The following MEGF10 variants were observed in gnomAD, a reference collection of about 807,000 sequenced individuals.
MEGF10 encodes multiple epidermal growth factor-like domains protein 10.
A neutral mutation model predicts 147.5 loss-of-function variants in MEGF10; 86 were observed. That is an observed-to-expected ratio of 0.58 (90% CI 0.49 to 0.70). The LOEUF (loss-of-function observed/expected upper bound fraction) is 0.70. Among genes scored for constraint, MEGF10 ranks in the 30% least tolerant of loss-of-function variants. The pLI, the probability that MEGF10 is intolerant of heterozygous loss-of-function variation, is 0.00. For missense variants in MEGF10, 1,329 were observed against 1,487.3 expected (o/e 0.89, Z 1.75); for synonymous variants, 478 against 525.5 (o/e 0.91, Z 1.24).
chr5:127,247,385 A>G, the MEGF10 span, among the ~76,000 whole-genome samples: 8 of 22,342 alleles, frequency 3.6e-4, no homozygotes, highest in African/African-American at 1.8e-3. Context: ...AAGAAGAAGA[A>G]GAAGAAGAAG....
intron 1 of MEGF10, among the ~76,000 whole-genome samples, chr5:127,315,908 G>A (rs574729996): frequency 6.6e-6 from 1 of 152,254 alleles, no homozygotes; most frequent in South Asian, 2.1e-4. Context: ...ACATGTTGAA[G>A]CAGAGCAGTC....
the MEGF10 span, among the ~76,000 whole-genome samples, chr5:127,237,949 C>T: frequency 2.0e-5 from 3 of 151,750 alleles, no homozygotes; most frequent in Non-Finnish European, 4.4e-5. Flanking sequence ...ATGTAGTTCT[C>T]ATTAAATGAT....
chr5:127,369,840 C>G, intron 4 of MEGF10, 70 bp from the exon 5 acceptor site: 6 of 1,220,638 alleles, frequency 4.9e-6, no homozygotes, highest in Non-Finnish European at 7.1e-6. Flanking sequence ...CTTGGATGTG[C>G]AACAGCTGTG....
At chr5:127,373,254 C>G (rs959060610) in intron 5 of MEGF10, among the ~76,000 whole-genome samples, 1 of 152,118 alleles carries the variant, frequency 6.6e-6, no homozygotes, top group African/African-American at 2.4e-5. Context: ...TGGGTTCAAG[C>G]AATTCTCATG....
At chr5:127,367,796 A>G (rs184686075) in intron 4 of MEGF10, among the ~76,000 whole-genome samples, 2 of 152,320 alleles carry the variant, frequency 1.3e-5, no homozygotes, top group Admixed American at 1.3e-4. Flanking sequence ...CTGCAAACAT[A>G]GATGCCATCA....
intron 1 of MEGF10, among the ~76,000 whole-genome samples, chr5:127,309,070 A>G (rs1251656992): frequency 6.6e-6 from 1 of 152,102 alleles, no homozygotes; most frequent in Non-Finnish European, 1.5e-5. Flanking sequence ...TGTTGTTATT[A>G]TGTTTTGCCT....
rs772575643 is a variant in MEGF10, at chr5:127,445,722, G to A, written c.2728+29G>A. 4.4e-5 allele frequency: 69 copies of A among 1,563,628 alleles called. 1 individual carries two copies. The highest frequency in any genetic ancestry group is 5.9e-5 in the Non-Finnish European group (67 of 1,135,000). ...AGAGCAGAGGCAGGAGAGGCATTTT[G>A]CTTCTTGAAAAGTTAAATTTCATTC... On this transcript the variant is annotated intron_variant, in intron 20 of 24. Transcript: ENST00000503335.
chr5:127,376,833 A>G (rs1763049378), intron 5 of MEGF10, among the ~76,000 whole-genome samples: 1 of 152,212 alleles, frequency 6.6e-6, no homozygotes, highest in Non-Finnish European at 1.5e-5. Context: ...GCCTGAATTT[A>G]TGTATCTATT....
the MEGF10 span, among the ~76,000 whole-genome samples, chr5:127,239,463 T>A: frequency 5.9e-5 from 7 of 117,970 alleles, no homozygotes; most frequent in South Asian, 2.7e-4. Flanking sequence ...ATATATAAAA[T>A]ATATATATAT....
At position 127,440,014 on chromosome 5, in the gene MEGF10, T is replaced by C. The variant is rs75978904; in HGVS notation, c.2234-725T>C. 2.2e-3 allele frequency among the ~76,000 whole-genome samples: 333 copies of C among 152,264 alleles called. 3 individuals are homozygous for C. The highest frequency in any genetic ancestry group is 0.01 in the Middle Eastern group (3 of 294). Reference sequence around the variant, plus strand: ...AAGCATATGTAATATTTGGAAACAATCATTGAATCAGCCTGCATTGAATCT... The same window carrying C: ...AAGCATATGTAATATTTGGAAACAACCATTGAATCAGCCTGCATTGAATCT... On this transcript the variant is annotated intron_variant, in intron 17 of 24. Transcript: ENST00000503335.
In MEGF10 at chr5:127,459,494, T is replaced by C. The variant is rs574254239; in HGVS notation, c.*2176T>C. On this transcript the variant is annotated 3_prime_UTR_variant, in exon 25 of 25. Transcript: ENST00000503335. ...GAAGAAATAAGACATTTTCTCCCTTTTAAAGATCATCTCTTCAGAGCTGCA... is the reference window on the plus strand; with the variant it reads ...GAAGAAATAAGACATTTTCTCCCTTCTAAAGATCATCTCTTCAGAGCTGCA... 1.3e-5 allele frequency: 2 copies of C among 152,314 alleles called. No individual in the cohort carries two copies. Among genetic ancestry groups the C allele is most frequent in the Admixed American group, 6.5e-5 (1 of 15,284 alleles). 9.4% of individuals were successfully genotyped at this position (152,314 alleles called of 1,614,324 possible). A position where few individuals can be genotyped will look rare whatever the true frequency, so the allele number is the denominator to read the frequency against.
chr5:127,458,203 T>G lies in MEGF10; in HGVS notation c.*885T>G, dbSNP rs1387963849. 6.6e-6 allele frequency: 1 copy of G among 152,216 alleles called. No homozygotes were observed. The highest frequency in any genetic ancestry group is 1.5e-5 in the Non-Finnish European group (1 of 68,038). 9.4% of individuals were successfully genotyped at this position (152,216 alleles called of 1,614,324 possible). ...GATGGAATGAGTGTGTAATGATTGA[T>G]AAAGGTTGTAAATTTTAAATGCAAG... On this transcript the variant is annotated 3_prime_UTR_variant, in exon 25 of 25. Transcript: ENST00000503335.
At chr5:127,313,659 A>T (rs1278428838) in intron 1 of MEGF10, among the ~76,000 whole-genome samples, 1 of 152,150 alleles carries the variant, frequency 6.6e-6, no homozygotes, top group African/African-American at 2.4e-5. Context: ...TCCTCCATTG[A>T]TGTTAAACAT....
intron 13 of MEGF10, among the ~76,000 whole-genome samples, chr5:127,426,747 G>T (rs551894841): frequency 6.6e-6 from 1 of 152,326 alleles, no homozygotes; most frequent in Admixed American, 6.5e-5. Context: ...CAAAATTACA[G>T]AAACAGGCTG....
chr5:127,410,757 A>G (rs1764527747), intron 9 of MEGF10, among the ~76,000 whole-genome samples, 156 bp downstream of exon 9: 2 of 152,372 alleles, frequency 1.3e-5, no homozygotes, highest in South Asian at 2.1e-4. Context: ...AAAGGAAGAC[A>G]TTTTAACTTA....
At chr5:127,356,207 A>G (rs1002554941) in intron 4 of MEGF10, among the ~76,000 whole-genome samples, 1 of 152,254 alleles carries the variant, frequency 6.6e-6, no homozygotes, top group Non-Finnish European at 1.5e-5. Context: ...AGTCTGGTAT[A>G]GCGCCGGCCA....
chr5:127,239,484 T>TATAC, the MEGF10 span, among the ~76,000 whole-genome samples: 1 of 145,010 alleles, frequency 6.9e-6, no homozygotes, highest in African/African-American at 2.5e-5. Flanking sequence ...ATAATATATA[T>TATAC]ACACACACAC....
At chr5:127,437,756 G>A (rs759532847) in intron 16 of MEGF10, among the ~76,000 whole-genome samples, 4 of 152,030 alleles carry the variant, frequency 2.6e-5, no homozygotes, top group Non-Finnish European at 4.4e-5. Flanking sequence ...TTTACATACC[G>A]CTGGGAACCT....
At chr5:127,448,972 C>A in intron 21 of MEGF10, 127 bp from the exon 22 acceptor site, 1 of 1,259,100 alleles carries the variant, frequency 7.9e-7, no homozygotes, top group Non-Finnish European at 1.1e-6. Flanking sequence ...CACCTCGGCC[C>A]CTGAGCTCAG....
Sources: gnomAD v4.1 joint callset for allele counts (sites outside exome capture counted in the v4.1 genomes callset) on GRCh38, gnomAD v4.1.1 for gene constraint, MANE v1.5 for transcripts, NCBI Gene and HGNC (gene_info 2026-07-23, HGNC 2026-07-21) for gene names.